The following ATP6V0A4 variants were observed in gnomAD, a reference collection of about 807,000 sequenced individuals.
ATP6V0A4 encodes the protein V-type proton ATPase 116 kDa subunit a 4.
A neutral mutation model predicts 107.3 loss-of-function variants in ATP6V0A4; 86 were observed. That is an observed-to-expected ratio of 0.80 (90% CI 0.67 to 0.96). The LOEUF is 0.96. Ranked by LOEUF, ATP6V0A4 falls within the 40% of genes least tolerant of loss-of-function variation. The pLI, the probability that ATP6V0A4 is intolerant of heterozygous loss-of-function variation, is 0.00. For missense variants in ATP6V0A4, 908 were observed against 1,045.6 expected (o/e 0.87, Z 1.81); for synonymous variants, 353 against 381.4 (o/e 0.93, Z 0.87).
At chr7:138,750,424 T>C (rs934915860) in intron 11 of ATP6V0A4, among the ~76,000 whole-genome samples, 5 of 152,154 alleles carry the variant, frequency 3.3e-5, no homozygotes, top group African/African-American at 1.2e-4. Context: ...CAGGCTGGTC[T>C]TGAACTCCTA....
At chr7:138,763,684 T>C (rs1806942364) in intron 5 of ATP6V0A4, among the ~76,000 whole-genome samples, 1 of 150,778 alleles carries the variant, frequency 6.6e-6, no homozygotes, top group Non-Finnish European at 1.5e-5. Flanking sequence ...CAATATGGAG[T>C]CTTAAAATAG....
chr7:138,755,667 T>C (rs935064997), intron 10 of ATP6V0A4, 22 bp downstream of exon 10: 38 of 1,613,190 alleles, frequency 2.4e-5, no homozygotes, highest in Non-Finnish European at 3.1e-5. Context: ...CATCAGACCA[T>C]GCGCCCAAAC....
Position 138,706,323 on chromosome 7 carries a change from T to C in ATP6V0A4, c.*301A>G. On this transcript the variant is annotated 3_prime_UTR_variant, in exon 22 of 22. Coordinates refer to ENST00000310018, the MANE Select transcript of ATP6V0A4 (RefSeq NM_020632.3). ...TGACTCAGATGTTTATTTTCTCAAA[T>C]ACAATATTTAAAATATTGCAAGAAG... The C allele has an allele frequency of 5.3e-6, 2 of 379,602 alleles. No individual in the cohort carries two copies. Among genetic ancestry groups the C allele is most frequent in the Middle Eastern group, 8.7e-4 (1 of 1,154 alleles). The allele number at this position is 379,602 out of a possible 1,614,324, so 23.5% of individuals were successfully genotyped here.
chr7:138,762,220 G>T (rs1806857396), intron 7 of ATP6V0A4, 120 bp downstream of exon 7: 2 of 1,298,076 alleles, frequency 1.5e-6, no homozygotes, highest in South Asian at 1.2e-5. Flanking sequence ...CTTGGCAGAG[G>T]CTTTGCATCC....
chr7:138,725,945 A>G (rs1274322239), intron 18 of ATP6V0A4, among the ~76,000 whole-genome samples: 1 of 152,196 alleles, frequency 6.6e-6, no homozygotes, highest in African/African-American at 2.4e-5. Flanking sequence ...ATGTTTCAAT[A>G]ACATTAACCA....
chr7:138,793,450 C>A (rs1291618327), intron 1 of ATP6V0A4, among the ~76,000 whole-genome samples: 1 of 152,088 alleles, frequency 6.6e-6, no homozygotes, highest in East Asian at 1.9e-4. Flanking sequence ...AAGAAAGAAA[C>A]CCGCAATCAT....
At chr7:138,761,399 C>T (rs916923227) in intron 7 of ATP6V0A4, among the ~76,000 whole-genome samples, 8 of 151,846 alleles carry the variant, frequency 5.3e-5, no homozygotes. Context: ...CTTTGGGAGG[C>T]CAAGGCAGGC....
intron 18 of ATP6V0A4, among the ~76,000 whole-genome samples, chr7:138,725,149 G>T (rs1325961272): frequency 6.6e-6 from 1 of 152,148 alleles, no homozygotes; most frequent in Non-Finnish European, 1.5e-5. Context: ...GTGCAGGCCT[G>T]CAGTCCCAGC....
At chr7:138,732,340 T>C (rs1009396223) in intron 17 of ATP6V0A4, among the ~76,000 whole-genome samples, 1 of 152,172 alleles carries the variant, frequency 6.6e-6, no homozygotes, top group African/African-American at 2.4e-5. Context: ...ATTATCCCTT[T>C]CATGTATTAC....
chr7:138,736,923 T>C (rs367631980), intron 15 of ATP6V0A4, among the ~76,000 whole-genome samples: 32 of 151,714 alleles, frequency 2.1e-4, no homozygotes, highest in African/African-American at 7.5e-4. Flanking sequence ...ATAGAGATGT[T>C]AACGTGCTCA....
intron 2 of ATP6V0A4, among the ~76,000 whole-genome samples, chr7:138,785,555 T>C (rs1468342610): frequency 6.6e-6 from 1 of 152,066 alleles, no homozygotes; most frequent in African/African-American, 2.4e-5. Context: ...GGGATTATAA[T>C]AGGCATGAGC....
In ATP6V0A4 at chr7:138,732,011, G is replaced by A. The variant is rs1433437342; in HGVS notation, c.1908+866C>T. On this transcript the variant is annotated intron_variant, in intron 17 of 21. Coordinates refer to ENST00000310018, the MANE Select transcript of ATP6V0A4 (RefSeq NM_020632.3). ...AGAGTGGCAATAAAGTGCAACTGTT[G>A]GGATGAACTGTCTCTGGAAGAGGAG... 2.0e-5 allele frequency among the ~76,000 whole-genome samples: 3 copies of A among 152,234 alleles called. 1 individual carries two copies. The highest frequency in any genetic ancestry group is 6.8e-3 in the Middle Eastern group (2 of 294).
intron 7 of ATP6V0A4, among the ~76,000 whole-genome samples, chr7:138,761,453 T>C (rs1806811640): frequency 6.6e-6 from 1 of 151,832 alleles, no homozygotes; most frequent in African/African-American, 2.4e-5. Flanking sequence ...CCTAACACGG[T>C]GAAACCCCGT....
In ATP6V0A4 at chr7:138,744,984, T is replaced by TG. The variant is rs1444763000; in HGVS notation, c.1478+138dup. Reference sequence around the variant, plus strand: ...TCCCAGAGCACTGGGATTACAGGCATGAGCCACTGAGCCTGGCCTATTTGA... The same window carrying TG: ...TCCCAGAGCACTGGGATTACAGGCATGGAGCCACTGAGCCTGGCCTATTTGA... On this transcript the variant is annotated intron_variant, in intron 14 of 21. Transcript: ENST00000310018. 12 of 818,070 alleles carry TG rather than the reference T, an allele frequency of 1.5e-5. No homozygotes were observed. In the African/African-American group the frequency reaches 2.0e-4, roughly 14 times the overall value. The allele number at this position is 818,070 out of a possible 1,614,324, so 50.7% of individuals were successfully genotyped here. A position where few individuals can be genotyped will look rare whatever the true frequency, so the allele number is the denominator to read the frequency against.
At chr7:138,753,786 C>A (rs112392610) in intron 10 of ATP6V0A4, among the ~76,000 whole-genome samples, 1,547 of 152,220 alleles carry the variant, frequency 0.01, 26 homozygotes, top group African/African-American at 0.035. Flanking sequence ...ATATAATGCC[C>A]CCTGGCCTGG....
intron 13 of ATP6V0A4, among the ~76,000 whole-genome samples, chr7:138,745,807 T>A (rs923570989): frequency 1.0e-4 from 15 of 147,122 alleles, no homozygotes; most frequent in Non-Finnish European, 7.4e-5. Flanking sequence ...TAGCCAGATG[T>A]GGTGGTATGC....
chr7:138,756,176 G>A (rs1024378213), intron 9 of ATP6V0A4, among the ~76,000 whole-genome samples: 1 of 152,230 alleles, frequency 6.6e-6, no homozygotes, highest in African/African-American at 2.4e-5. Context: ...TAGCCATGCA[G>A]TTGGATTACT....
intron 16 of ATP6V0A4, among the ~76,000 whole-genome samples, chr7:138,733,921 C>T (rs910210000): frequency 6.6e-6 from 1 of 152,030 alleles, no homozygotes; most frequent in Non-Finnish European, 1.5e-5. Context: ...GCCAGAGGAG[C>T]ACTTACCTTG....
At chr7:138,778,238 TG>T in intron 2 of ATP6V0A4, among the ~76,000 whole-genome samples, 1 of 151,784 alleles carries the variant, frequency 6.6e-6, no homozygotes, top group South Asian at 2.1e-4. Context: ...TAGCGGGGCG[TG>T]GTGGTGGGTG....
Sources: gnomAD v4.1 joint callset for allele counts (sites outside exome capture counted in the v4.1 genomes callset) on GRCh38, gnomAD v4.1.1 for gene constraint, MANE v1.5 for transcripts, NCBI Gene and HGNC (gene_info 2026-07-23, HGNC 2026-07-21) for gene names.